The following ADAMTSL3 variants were observed in gnomAD, a reference collection of about 807,000 sequenced individuals.
ADAMTSL3 encodes the protein ADAMTS-like protein 3.
Under a neutral mutation model 201.7 loss-of-function variants are expected in ADAMTSL3, and 128 were observed. The observed-to-expected ratio is 0.63, with a 90% CI of 0.55 to 0.73. The LOEUF (loss-of-function observed/expected upper bound fraction) is 0.73, where lower values mean the gene tolerates loss of function less well. Ranked by LOEUF, ADAMTSL3 falls within the 30% of genes least tolerant of loss-of-function variation. The probability of loss-of-function intolerance (pLI) is 0.00; values close to 1 mark genes in which losing one functional copy is unlikely to be tolerated. For missense variants in ADAMTSL3, 1,990 were observed against 2,119.6 expected (o/e 0.94, Z 1.20); for synonymous variants, 738 against 748.4 (o/e 0.99, Z 0.23).
At chr15:83,827,263 A>G (rs2064045134) in intron 6 of ADAMTSL3, among the ~76,000 whole-genome samples, 1 of 152,212 alleles carries the variant, frequency 6.6e-6, no homozygotes, top group African/African-American at 2.4e-5. Context: ...ATGGCCAGTG[A>G]TGATGAGCAT....
chr15:84,014,835 T>A, intron 24 of ADAMTSL3, 111 bp downstream of exon 24: 1 of 1,108,482 alleles, frequency 9.0e-7, no homozygotes, highest in Non-Finnish European at 1.3e-6. Context: ...TCAGATGGTT[T>A]TAACCATTGC....
chr15:83,724,291 G>A (rs1482778199), intron 3 of ADAMTSL3, among the ~76,000 whole-genome samples: 1 of 151,728 alleles, frequency 6.6e-6, no homozygotes, highest in East Asian at 1.9e-4. Flanking sequence ...TAGAGACACG[G>A]GTTTCACCAT....
intron 7 of ADAMTSL3, among the ~76,000 whole-genome samples, chr15:83,843,346 A>G (rs2064423360): frequency 6.6e-6 from 1 of 152,130 alleles, no homozygotes; most frequent in African/African-American, 2.4e-5. Flanking sequence ...GGAACATCCC[A>G]CAGGATGCTG....
chr15:83,757,026 G>C (rs1221385875), intron 3 of ADAMTSL3, among the ~76,000 whole-genome samples: 1 of 152,186 alleles, frequency 6.6e-6, no homozygotes, highest in Non-Finnish European at 1.5e-5. Context: ...CCCTCTCCTG[G>C]CTGCTTTCAC....
At position 83,903,948 on chromosome 15, in the gene ADAMTSL3, A is replaced by AAAAG. The variant is rs1305997939; in HGVS notation, c.1700+4237_1700+4240dup. Among the ~76,000 whole-genome samples, 6 of 102,408 alleles carry AAAAG rather than the reference A, an allele frequency of 5.9e-5. 1 individual carries two copies. Among genetic ancestry groups the AAAAG allele is most frequent in the East Asian group, 5.0e-4 (2 of 4,002 alleles). 67.2% of individuals were successfully genotyped at this position (102,408 alleles called of 152,430 possible). On this transcript the variant is annotated intron_variant, in intron 15 of 29. Coordinates refer to ENST00000286744, the MANE Select transcript of ADAMTSL3 (RefSeq NM_207517.3). ...AAAAAAAAAAAAAAAAAAAAAAGAAAAAAGAAAGAAAGAAAGAAAGAAAAG... is the reference window on the plus strand; with the variant it reads ...AAAAAAAAAAAAAAAAAAAAAAGAAAAAAGAAAGAAAGAAAGAAAGAAAGAAAAG...
chr15:83,864,178 A>C lies in ADAMTSL3; in HGVS notation c.802+5338A>C, dbSNP rs1018020720. Reference sequence around the variant, plus strand: ...GATGGATTCACAGCTGAATTCTACCAGAAGTACAAGGAGGAGCTGGTACCA... The same window carrying C: ...GATGGATTCACAGCTGAATTCTACCCGAAGTACAAGGAGGAGCTGGTACCA... On this transcript the variant is annotated intron_variant, in intron 8 of 29. Coordinates refer to ENST00000286744, the MANE Select transcript of ADAMTSL3 (RefSeq NM_207517.3). Among the ~76,000 whole-genome samples, 3 of 152,370 alleles carry C rather than the reference A, an allele frequency of 2.0e-5. No individual in the cohort carries two copies. The East Asian group carries it at 5.8e-4, about 29-fold the overall frequency.
At chr15:83,682,240 A>G (rs1158883565) in intron 2 of ADAMTSL3, among the ~76,000 whole-genome samples, 1 of 152,138 alleles carries the variant, frequency 6.6e-6, no homozygotes, top group Non-Finnish European at 1.5e-5. Context: ...TAAAGAGAGC[A>G]TCAGAGATCA....
At chr15:83,766,511 G>A (rs1349414016) in intron 3 of ADAMTSL3, among the ~76,000 whole-genome samples, 1 of 152,112 alleles carries the variant, frequency 6.6e-6, no homozygotes, top group Admixed American at 6.5e-5. Context: ...TAGAGATATC[G>A]AAAGAATGTT....
intron 3 of ADAMTSL3, among the ~76,000 whole-genome samples, chr15:83,768,871 T>A (rs1352665156): frequency 6.6e-6 from 1 of 152,118 alleles, no homozygotes; most frequent in Admixed American, 6.6e-5. Flanking sequence ...AGAGAAATAA[T>A]ACATTAAAAA....
At chr15:83,810,751 T>C (rs963412975) in intron 5 of ADAMTSL3, among the ~76,000 whole-genome samples, 4 of 152,186 alleles carry the variant, frequency 2.6e-5, no homozygotes, top group African/African-American at 9.6e-5. Context: ...CTTTTATTTT[T>C]CTTTTGAGAC....
chr15:83,699,803 T>A (rs1198362835), intron 2 of ADAMTSL3, among the ~76,000 whole-genome samples: 1 of 152,226 alleles, frequency 6.6e-6, no homozygotes, highest in Non-Finnish European at 1.5e-5. Context: ...CTTAGCTTTT[T>A]CCATAACTGG....
At chr15:83,850,538 C>T (rs1255126817) in intron 7 of ADAMTSL3, among the ~76,000 whole-genome samples, 1 of 150,938 alleles carries the variant, frequency 6.6e-6, no homozygotes, top group African/African-American at 2.4e-5. Flanking sequence ...ATAGAACACT[C>T]TTTTAATCAC....
chr15:83,904,524 C>T (rs558874499), intron 15 of ADAMTSL3, among the ~76,000 whole-genome samples: 27 of 152,198 alleles, frequency 1.8e-4, no homozygotes, highest in Non-Finnish European at 3.4e-4. Context: ...TACCATGGCT[C>T]GAGTTCTGAA....
intron 16 of ADAMTSL3, among the ~76,000 whole-genome samples, chr15:83,920,317 T>A (rs2066115470): frequency 6.6e-6 from 1 of 152,208 alleles, no homozygotes; most frequent in African/African-American, 2.4e-5. Context: ...TTCCAGCTCC[T>A]CTTGACATAA....
intron 6 of ADAMTSL3, among the ~76,000 whole-genome samples, chr15:83,822,286 C>T (rs1256314325): frequency 2.2e-5 from 3 of 136,748 alleles, no homozygotes; most frequent in African/African-American, 5.3e-5. Flanking sequence ...GACGGGGCGG[C>T]TGCCGGGCGG....
chr15:83,858,955 G>A (rs1229450024), intron 8 of ADAMTSL3, 115 bp downstream of exon 8: 6 of 784,948 alleles, frequency 7.6e-6, no homozygotes, highest in South Asian at 3.5e-5. Flanking sequence ...CTTTCTCTAA[G>A]TTAATGGGTA....
intron 19 of ADAMTSL3, among the ~76,000 whole-genome samples, chr15:83,962,018 T>C (rs1469980370): frequency 6.6e-6 from 1 of 152,170 alleles, no homozygotes; most frequent in Non-Finnish European, 1.5e-5. Flanking sequence ...TCCCATGTGT[T>C]GTGGGAGGGA....
At chr15:83,873,802 G>A (rs1032839933) in intron 9 of ADAMTSL3, among the ~76,000 whole-genome samples, 3 of 146,024 alleles carry the variant, frequency 2.1e-5, no homozygotes, top group African/African-American at 7.8e-5. Context: ...CAGCAGAGCT[G>A]TTTGCCCTGC....
At chr15:83,709,515 A>G (rs532212439) in intron 3 of ADAMTSL3, among the ~76,000 whole-genome samples, 45 of 152,170 alleles carry the variant, frequency 3.0e-4, no homozygotes, top group Non-Finnish European at 5.9e-4. Context: ...TGGTCACTGC[A>G]CATGGTTCTT....
Sources: gnomAD v4.1 joint callset for allele counts (sites outside exome capture counted in the v4.1 genomes callset) on GRCh38, gnomAD v4.1.1 for gene constraint, MANE v1.5 for transcripts, NCBI Gene and HGNC (gene_info 2026-07-23, HGNC 2026-07-21) for gene names.